The following PARD3 variants were observed in gnomAD, a reference collection of about 807,000 sequenced individuals.
The protein encoded by PARD3 is par-3 family cell polarity regulator, also known as partitioning defective 3 homolog.
In PARD3, 75 loss-of-function variants were observed where a neutral mutation model predicts 155.4. That is an observed-to-expected ratio of 0.48 (90% confidence interval 0.40 to 0.58). PARD3 has a LOEUF of 0.58. PARD3 is among the 20% of genes least tolerant of loss of function. PARD3 has a pLI of 0.00. For missense variants in PARD3, 1,642 were observed against 1,721.7 expected, an observed-to-expected ratio of 0.95 and a Z score of 0.82; for synonymous variants, 576 against 610.5, an observed-to-expected ratio of 0.94 and a Z score of 0.83.
rs1161928645 is a variant in PARD3, at chr10:34,284,215, A to C, written c.3096T>G (p.Ile1032Met). ...GTATTTTTATTTTACCCGTTTTCTCAATCTTGTCATCTTTTCGATGTTTGC... is the reference window on the plus strand; with the variant it reads ...GTATTTTTATTTTACCCGTTTTCTCCATCTTGTCATCTTTTCGATGTTTGC... ...RFGKHRKDDKIEKTGKIKIQE... is the reference protein window; with the variant it reads ...RFGKHRKDDKMEKTGKIKIQE... Residue 1032 changes from isoleucine to methionine, a missense_variant, in exon 21 of 25, where the codon ATT (isoleucine) becomes ATG (methionine). Transcript: ENST00000374788. 1 of 1,610,138 alleles carries C rather than the reference A, an allele frequency of 6.2e-7. No individual in the cohort carries two copies. Among genetic ancestry groups the C allele is most frequent in the South Asian group, 1.1e-5 (1 of 90,420 alleles).
chr10:34,548,725 A>G (rs1188081911), intron 2 of PARD3, among the ~76,000 whole-genome samples: 1 of 151,834 alleles, frequency 6.6e-6, no homozygotes, highest in Non-Finnish European at 1.5e-5. Context: ...CCAAGGAAAA[A>G]GCCAGGAACT....
At chr10:34,127,952 C>A (rs1389309269) in intron 23 of PARD3, among the ~76,000 whole-genome samples, 1 of 152,218 alleles carries the variant, frequency 6.6e-6, no homozygotes, top group Non-Finnish European at 1.5e-5. Flanking sequence ...CATGTTGCTA[C>A]ATGGGAATGA....
At chr10:34,809,699 A>AGAAC (rs1393151199) in intron 1 of PARD3, among the ~76,000 whole-genome samples, 6 of 152,240 alleles carry the variant, frequency 3.9e-5, no homozygotes, top group African/African-American at 9.6e-5. Flanking sequence ...CAGGACTTGG[A>AGAAC]GAACGCGGGA....
chr10:34,363,881 G>T (rs1240859071), intron 12 of PARD3, among the ~76,000 whole-genome samples: 1 of 152,116 alleles, frequency 6.6e-6, no homozygotes, highest in Admixed American at 6.5e-5. Context: ...ACCATTTGTT[G>T]TCTTTAAATG....
At chr10:34,294,183 G>A (rs757284374) in intron 20 of PARD3, among the ~76,000 whole-genome samples, 1 of 152,182 alleles carries the variant, frequency 6.6e-6, no homozygotes, top group Non-Finnish European at 1.5e-5. Context: ...TGCTTATGAG[G>A]TAGTACAAAC....
At chr10:34,736,315 C>A (rs1041441609) in intron 1 of PARD3, among the ~76,000 whole-genome samples, 1 of 150,622 alleles carries the variant, frequency 6.6e-6, no homozygotes, top group African/African-American at 2.4e-5. Flanking sequence ...TAGGCGTGAG[C>A]CACTGCGCCT....
At chr10:34,696,220 T>A in intron 2 of PARD3, 98 bp downstream of exon 2, 1 of 690,598 alleles carries the variant, frequency 1.4e-6, no homozygotes, top group Non-Finnish European at 2.6e-6. Flanking sequence ...TAATTTAAAG[T>A]ATGTGTCTAA....
At chr10:34,380,467 A>G (rs1841711863) in intron 9 of PARD3, among the ~76,000 whole-genome samples, 1 of 152,156 alleles carries the variant, frequency 6.6e-6, no homozygotes, top group African/African-American at 2.4e-5. Flanking sequence ...ATTCAAAACA[A>G]TGGTACCAGT....
intron 22 of PARD3, among the ~76,000 whole-genome samples, chr10:34,149,103 A>G (rs939049895): frequency 1.3e-5 from 2 of 152,134 alleles, no homozygotes; most frequent in African/African-American, 4.8e-5. Context: ...CTTATAATTG[A>G]TTAAAAATGG....
chr10:34,252,706 A>ATG (rs1954392410), intron 22 of PARD3, among the ~76,000 whole-genome samples: 1 of 151,882 alleles, frequency 6.6e-6, no homozygotes, highest in Non-Finnish European at 1.5e-5. Flanking sequence ...ATATATGTTT[A>ATG]TGTGTGTGTA....
chr10:34,489,823 G>A (rs1193607089), intron 3 of PARD3, among the ~76,000 whole-genome samples: 1 of 152,172 alleles, frequency 6.6e-6, no homozygotes, highest in East Asian at 1.9e-4. Context: ...TGTCATGACT[G>A]ATCAAATCCT....
intron 15 of PARD3, among the ~76,000 whole-genome samples, chr10:34,347,028 C>A (rs1837502164): frequency 6.6e-6 from 1 of 152,132 alleles, no homozygotes; most frequent in South Asian, 2.1e-4. Context: ...CATAAACACC[C>A]ACTGATGAAT....
chr10:34,766,284 G>A (rs959902081), intron 1 of PARD3, among the ~76,000 whole-genome samples: 1 of 152,164 alleles, frequency 6.6e-6, no homozygotes, highest in African/African-American at 2.4e-5. Flanking sequence ...ACCCAAAGCT[G>A]ACACTAGCAG....
At chr10:34,397,669 C>T (rs1843466035) in intron 7 of PARD3, among the ~76,000 whole-genome samples, 1 of 152,150 alleles carries the variant, frequency 6.6e-6, no homozygotes, top group South Asian at 2.1e-4. Context: ...TTAGGCTTTT[C>T]ATCTGTTCAC....
Position 34,341,744 on chromosome 10 carries a change from G to T in PARD3, c.2291C>A (p.Pro764Gln). Reference protein sequence around the residue: ...DTVIIEDDRLPVLPPHLSDQS... With the variant: ...DTVIIEDDRLQVLPPHLSDQS... The stretch of plus-strand genomic sequence containing the variant: ...GTCAGAGAGATGTGGAGGAAGCACT[G>T]GCAACCTGTCATCTTCTATAATGAC... The change falls in exon 16 of 25, where the codon CCA becomes CAA. Residue 764 changes from proline (P) to glutamine (Q), a missense_variant. Coordinates refer to ENST00000374788, the MANE Select transcript of PARD3 (RefSeq NM_001184785.2). The T allele has an allele frequency of 8.7e-6, 14 of 1,613,424 alleles. No individual in the cohort carries two copies. Among genetic ancestry groups the T allele is most frequent in the Non-Finnish European group, 1.2e-5 (14 of 1,179,446 alleles).
At position 34,371,581 on chromosome 10, in the gene PARD3, A is replaced by G. The variant is rs1262658724; in HGVS notation, c.1707+917T>C. 2.7e-5 allele frequency among the ~76,000 whole-genome samples: 4 copies of G among 148,614 alleles called. No homozygotes were observed. In the East Asian group the frequency reaches 6.1e-4, roughly 23 times the overall value. ...AACATTAGTTCAAAGTTGCCTGTTTATAAAGCTGTACAGAAAATGAAACCT... is the reference window on the plus strand; with the variant it reads ...AACATTAGTTCAAAGTTGCCTGTTTGTAAAGCTGTACAGAAAATGAAACCT... On this transcript the variant is annotated intron_variant, in intron 12 of 24. Coordinates refer to ENST00000374788, the MANE Select transcript of PARD3 (RefSeq NM_001184785.2).
chr10:34,665,824 G>C (rs1379652306), intron 2 of PARD3, among the ~76,000 whole-genome samples: 2 of 132,158 alleles, frequency 1.5e-5, no homozygotes, highest in Non-Finnish European at 1.7e-5. Context: ...GGCTTTTTGA[G>C]ACTTCGTCTC....
rs1456149949 is a variant in PARD3 at position 34,111,157 on chromosome 10, T to C, written c.*12A>G. The C allele has an allele frequency of 9.8e-6, 15 of 1,530,458 alleles. No homozygotes were observed. The East Asian group carries it at 2.3e-4, about 23-fold the overall frequency. 94.8% of individuals were successfully genotyped at this position (1,530,458 alleles called of 1,614,324 possible). A position where few individuals can be genotyped will look rare whatever the true frequency, so the allele number is the denominator to read the frequency against. On this transcript the variant is annotated 3_prime_UTR_variant, in exon 25 of 25. Transcript: ENST00000374788. ...TTTATTGCGCGACATGAAGCATCCGTTATTTGCGTGCTCAGGAATAGAAGG... is the reference window on the plus strand; with the variant it reads ...TTTATTGCGCGACATGAAGCATCCGCTATTTGCGTGCTCAGGAATAGAAGG...
intron 1 of PARD3, among the ~76,000 whole-genome samples, chr10:34,807,411 C>T (rs1420564778): frequency 6.6e-6 from 1 of 152,186 alleles, no homozygotes; most frequent in Admixed American, 6.5e-5. Context: ...CCATAAACTC[C>T]ATCCATTGAA....
Sources: allele counts gnomAD v4.1 joint callset (sites outside exome capture counted in the v4.1 genomes callset), GRCh38; gene constraint gnomAD v4.1.1; transcripts MANE v1.5; gene names NCBI Gene and HGNC (gene_info 2026-07-23, HGNC 2026-07-21).